The following MINDY3 variants were observed in gnomAD, a reference collection of about 807,000 sequenced individuals.
MINDY3 encodes MINDY lysine 48 deubiquitinase 3, also known as ubiquitin carboxyl-terminal hydrolase MINDY-3.
Under a neutral mutation model 69.2 loss-of-function variants are expected in MINDY3, and 38 were observed. The ratio of observed to expected loss-of-function variants is 0.55; its 90% confidence interval spans 0.42 to 0.72. The LOEUF is 0.72. Among genes scored for constraint, MINDY3 ranks in the 30% least tolerant of loss-of-function variants. The probability of loss-of-function intolerance (pLI) is 0.00; values close to 1 mark genes in which losing one functional copy is unlikely to be tolerated. For synonymous variants in MINDY3, 192 were observed against 180.1 expected, an observed-to-expected ratio of 1.07 and a Z score of -0.53; for missense variants, 522 against 519.0, an observed-to-expected ratio of 1.01 and a Z score of -0.06.
chr10:15,784,755 C>T (rs972481374), intron 13 of MINDY3, among the ~76,000 whole-genome samples: 22 of 152,042 alleles, frequency 1.4e-4, no homozygotes, highest in Admixed American at 5.9e-4. Context: ...AAATAGTTTA[C>T]GGAATGATCA....
At chr10:15,820,667 T>A (rs1392662167) in intron 9 of MINDY3, among the ~76,000 whole-genome samples, 9 of 152,210 alleles carry the variant, frequency 5.9e-5, no homozygotes, top group Admixed American at 2.0e-4. Flanking sequence ...CAAATCCAAT[T>A]TGATTATCAT....
chr10:15,828,682 A>G lies in MINDY3; in HGVS notation c.730+4948T>C, dbSNP rs543120574. Among the ~76,000 whole-genome samples the G allele has an allele frequency of 1.1e-4, 16 of 152,316 alleles. No individual in the cohort carries two copies. The South Asian group carries it at 3.3e-3, about 32-fold the overall frequency. ...ATATAAGGAAAGACGTATATACAAA[A>G]CATGTTTACTACAGCAGTTTCTTAT... On this transcript the variant is annotated intron_variant, in intron 8 of 14. Coordinates refer to ENST00000277632, the MANE Select transcript of MINDY3 (RefSeq NM_024948.4).
In MINDY3 at chr10:15,786,635, T is replaced by C; in HGVS notation, c.1042A>G (p.Lys348Glu). 1.9e-6 allele frequency: 3 copies of C among 1,576,628 alleles called. No homozygotes were observed. Among genetic ancestry groups the C allele is most frequent in the Non-Finnish European group, 1.7e-6 (2 of 1,148,310 alleles). Residue 348 changes from lysine to glutamate, a missense_variant, in exon 13 of 15, where the codon AAG (lysine) becomes GAG (glutamate). Transcript: ENST00000277632. Reference sequence around the variant, plus strand: ...AATCCTTCTGGATCTAATTTATTCTTCATGAGATTTATACTACGGGGAGAA... The same window carrying C: ...AATCCTTCTGGATCTAATTTATTCTCCATGAGATTTATACTACGGGGAGAA... ...VSDPEYINLM[K>E]NKLDPEGLGI...
intron 13 of MINDY3, among the ~76,000 whole-genome samples, chr10:15,782,649 C>T (rs142732538): frequency 2.0e-4 from 30 of 152,170 alleles, no homozygotes; most frequent in Non-Finnish European, 3.7e-4. Context: ...CCAGTATGTA[C>T]CAATACTTCC....
chr10:15,851,933 C>T (rs901931426), intron 1 of MINDY3, among the ~76,000 whole-genome samples: 14 of 152,132 alleles, frequency 9.2e-5, no homozygotes, highest in African/African-American at 3.4e-4. Context: ...GACCTTAGGT[C>T]CTCAGAACAT....
intron 10 of MINDY3, among the ~76,000 whole-genome samples, chr10:15,801,043 AAGGT>A (rs1838221534): frequency 3.3e-5 from 5 of 152,222 alleles, no homozygotes; most frequent in Admixed American, 3.3e-4. Flanking sequence ...TAAAAATATC[AAGGT>A]AACAGGAGAA....
At chr10:15,857,496 G>T (rs926027982) in intron 1 of MINDY3, among the ~76,000 whole-genome samples, 2 of 152,138 alleles carry the variant, frequency 1.3e-5, no homozygotes, top group African/African-American at 4.8e-5. Flanking sequence ...GAAGGGGGGA[G>T]GATAAATAGT....
chr10:15,858,304 T>C (rs184968752), intron 1 of MINDY3, among the ~76,000 whole-genome samples: 6 of 152,310 alleles, frequency 3.9e-5, no homozygotes, highest in African/African-American at 1.2e-4. Context: ...ACTAATCCTG[T>C]TAAAGAATTT....
intron 1 of MINDY3, 60 bp from the exon 2 acceptor site, chr10:15,848,003 T>C: frequency 1.5e-6 from 2 of 1,347,128 alleles, no homozygotes; most frequent in South Asian, 2.3e-5. Flanking sequence ...GCTAAAAGAA[T>C]CTTTCATGTA....
intron 1 of MINDY3, among the ~76,000 whole-genome samples, chr10:15,853,061 T>C (rs1834418523): frequency 6.6e-6 from 1 of 152,056 alleles, no homozygotes; most frequent in African/African-American, 2.4e-5. Context: ...TGCAGGGGGA[T>C]CCTTGAACCC....
At chr10:15,821,872 T>C (rs958920207) in intron 8 of MINDY3, 146 bp from the exon 9 acceptor site, 33 of 593,828 alleles carry the variant, frequency 5.6e-5, no homozygotes, top group Non-Finnish European at 9.1e-5. Flanking sequence ...AAACTTAGCA[T>C]GTAATCATTA....
rs759105241 is a variant in MINDY3, at chr10:15,841,381, CAAAG to C, written c.409+41_409+44del. On this transcript the variant is annotated intron_variant, in intron 4 of 14. Transcript: ENST00000277632. Reference sequence around the variant, plus strand: ...AAAATATTCAATAGATTCATTAAAACAAAGGAACAAGAAAAAAACTTCAGGAAAT... The same window carrying C: ...AAAATATTCAATAGATTCATTAAAACGAACAAGAAAAAAACTTCAGGAAAT... 1.0e-5 allele frequency: 15 copies of C among 1,475,156 alleles called. No homozygotes were observed. The Admixed American group carries it at 3.1e-4, about 30-fold the overall frequency. The allele number at this position is 1,475,156 out of a possible 1,614,324, so 91.4% of individuals were successfully genotyped here. A position where few individuals can be genotyped will look rare whatever the true frequency, so the allele number is the denominator to read the frequency against.
chr10:15,778,888 T>G lies in MINDY3; in HGVS notation c.*104A>C. ...ATGTGTTTTTAATTGTTATTTACAG[T>G]TAATCAGTGATACCAGTGTTTAGCT... On this transcript the variant is annotated 3_prime_UTR_variant, in exon 15 of 15. Coordinates refer to ENST00000277632, the MANE Select transcript of MINDY3 (RefSeq NM_024948.4). 2 of 864,748 alleles carry G rather than the reference T, an allele frequency of 2.3e-6. No individual in the cohort carries two copies. Among genetic ancestry groups the G allele is most frequent in the Non-Finnish European group, 3.5e-6 (2 of 570,606 alleles). 53.6% of individuals were successfully genotyped at this position (864,748 alleles called of 1,614,324 possible). A position where few individuals can be genotyped will look rare whatever the true frequency, so the allele number is the denominator to read the frequency against.
chr10:15,834,172 G>T (rs1037367739), intron 7 of MINDY3, among the ~76,000 whole-genome samples: 6 of 151,830 alleles, frequency 4.0e-5, no homozygotes, highest in Admixed American at 6.6e-5. Context: ...AGCTTGAGGA[G>T]GGTGGTCCGA....
intron 10 of MINDY3, among the ~76,000 whole-genome samples, chr10:15,799,195 C>T (rs1216717991): frequency 6.6e-6 from 1 of 151,818 alleles, no homozygotes; most frequent in Admixed American, 6.6e-5. Flanking sequence ...CCCCCAAATG[C>T]TCTAACATTT....
At chr10:15,789,072 T>C (rs1033123732) in intron 12 of MINDY3, 175 bp downstream of exon 12, 3 of 431,170 alleles carry the variant, frequency 7.0e-6, no homozygotes, top group Non-Finnish European at 1.3e-5. Flanking sequence ...AATTTAAGTA[T>C]GTCAAGTCTG....
At chr10:15,830,670 G>A (rs1840394048) in intron 8 of MINDY3, among the ~76,000 whole-genome samples, 2 of 152,318 alleles carry the variant, frequency 1.3e-5, no homozygotes, top group South Asian at 2.1e-4. Context: ...ATTTCTGTCC[G>A]TGGTACAGAG....
chr10:15,814,172 G>A (rs1804884478), intron 10 of MINDY3, among the ~76,000 whole-genome samples: 1 of 151,978 alleles, frequency 6.6e-6, no homozygotes, highest in Non-Finnish European at 1.5e-5. Flanking sequence ...TCTAAAACAG[G>A]ACTCAATAAA....
intron 12 of MINDY3, 185 bp downstream of exon 12, chr10:15,789,062 A>C: frequency 2.4e-6 from 1 of 424,066 alleles, no homozygotes. Context: ...AAGGAAACTC[A>C]ATTTAAGTAT....
Sources: gnomAD v4.1 joint callset for allele counts (sites outside exome capture counted in the v4.1 genomes callset) on GRCh38, gnomAD v4.1.1 for gene constraint, MANE v1.5 for transcripts, NCBI Gene and HGNC (gene_info 2026-07-23, HGNC 2026-07-21) for gene names.